The following ANXA8 variants were observed in gnomAD, a reference collection of about 807,000 sequenced individuals.
ANXA8 encodes annexin A8, also known as VAC-beta.
A neutral mutation model predicts 26.8 loss-of-function variants in ANXA8; 9 were observed. The ratio of observed to expected loss-of-function variants is 0.34; its 90% CI spans 0.20 to 0.59. ANXA8 has a LOEUF of 0.59. Ranked by LOEUF, ANXA8 falls within the 20% of genes least tolerant of loss-of-function variation. The probability of loss-of-function intolerance (pLI) is 0.84; values close to 1 mark genes in which losing one functional copy is unlikely to be tolerated. For synonymous variants in ANXA8, 39 were observed against 94.8 expected, an observed-to-expected ratio of 0.41 and a Z score of 3.42; for missense variants, 83 against 238.5, an observed-to-expected ratio of 0.35 and a Z score of 4.29.
the ANXA8 span, among the ~76,000 whole-genome samples, chr10:47,551,249 G>A: frequency 3.8e-4 from 57 of 151,750 alleles, no homozygotes; most frequent in African/African-American, 1.3e-3. Flanking sequence ...ATGATTGGAG[G>A]TAACTTGTTT....
At chr10:47,653,535 T>A in the ANXA8 span, among the ~76,000 whole-genome samples, 2 of 151,744 alleles carry the variant, frequency 1.3e-5, no homozygotes, top group South Asian at 4.1e-4. Context: ...GTGGGAAAAT[T>A]AAGGACATTT....
chr10:47,673,378 T>C, the ANXA8 span, among the ~76,000 whole-genome samples: 37 of 151,488 alleles, frequency 2.4e-4, no homozygotes, highest in Non-Finnish European at 4.3e-4. Flanking sequence ...GGGGAAGAGC[T>C]AGAAATAACT....
chr10:47,947,874 T>C, the ANXA8 span, among the ~76,000 whole-genome samples: 1 of 150,788 alleles, frequency 6.6e-6, no homozygotes, highest in Non-Finnish European at 1.5e-5. Context: ...ATGTCTATCA[T>C]GAAACTCCAG....
the ANXA8 span, among the ~76,000 whole-genome samples, chr10:47,530,730 A>C: frequency 1.5e-5 from 2 of 134,474 alleles, no homozygotes; most frequent in African/African-American, 5.5e-5. Flanking sequence ...AATAAACAAC[A>C]CATCTCAAGT....
chr10:47,557,737 C>G, the ANXA8 span, among the ~76,000 whole-genome samples: 45 of 150,780 alleles, frequency 3.0e-4, 2 homozygotes, highest in Admixed American at 2.4e-3. Context: ...AATTTTAAAA[C>G]CATTTGGATT....
chr10:47,487,124 A>C (rs1840062657), upstream of ANXA8: 1 of 1,394,890 alleles, frequency 7.2e-7, no homozygotes, highest in South Asian at 1.4e-5. Flanking sequence ...TAAATACTTA[A>C]GTGTACACCA....
At chr10:47,646,836 TAAAG>T in the ANXA8 span, among the ~76,000 whole-genome samples, 4 of 152,092 alleles carry the variant, frequency 2.6e-5, no homozygotes, top group African/African-American at 7.3e-5. Flanking sequence ...TCTTCAGAAA[TAAAG>T]AAAGTAACAA....
chr10:47,691,630 G>C, the ANXA8 span, among the ~76,000 whole-genome samples: 1 of 150,534 alleles, frequency 6.6e-6, no homozygotes, highest in Non-Finnish European at 1.5e-5. Flanking sequence ...TAAGTTTTGC[G>C]TGCCTGTAGT....
chr10:47,743,170 CAAAAA>C, the ANXA8 span, among the ~76,000 whole-genome samples: 1 of 37,008 alleles, frequency 2.7e-5, no homozygotes, highest in Non-Finnish European at 5.4e-5. Context: ...GACTCTGTCT[CAAAAA>C]AAAAAAAAAA....
chr10:47,733,215 TTCTTTCTCTTTCTTTC>T, the ANXA8 span, among the ~76,000 whole-genome samples: 140 of 94,970 alleles, frequency 1.5e-3, 2 homozygotes, highest in Admixed American at 6.7e-3. Context: ...CTTTCTTTCT[TTCTTTCTCTTTCTTTC>T]TCTCTTTCTT....
the ANXA8 span, among the ~76,000 whole-genome samples, chr10:47,620,153 G>A: frequency 8.9e-6 from 1 of 112,278 alleles, no homozygotes; most frequent in Admixed American, 9.6e-5. Flanking sequence ...ACTTCTGGGA[G>A]GTGGTATTTG....
the ANXA8 span, among the ~76,000 whole-genome samples, chr10:47,737,506 G>A: frequency 7.2e-5 from 11 of 151,752 alleles, no homozygotes; most frequent in South Asian, 6.2e-4. Flanking sequence ...GGACTTTCTA[G>A]TCTGTTTCAT....
the ANXA8 span, among the ~76,000 whole-genome samples, chr10:47,939,303 CAAAA>C: frequency 3.7e-5 from 3 of 81,174 alleles, no homozygotes. Context: ...AACTCTGTCT[CAAAA>C]AAAAAAAAAA....
At chr10:47,626,411 A>G in the ANXA8 span, among the ~76,000 whole-genome samples, 1 of 150,456 alleles carries the variant, frequency 6.6e-6, no homozygotes, top group East Asian at 1.9e-4. Flanking sequence ...TCCTTAAATA[A>G]AACTTTGAGA....
At chr10:47,717,672 T>A in the ANXA8 span, among the ~76,000 whole-genome samples, 1 of 142,298 alleles carries the variant, frequency 7.0e-6, no homozygotes, top group Admixed American at 7.0e-5. Flanking sequence ...GATAGGATTA[T>A]GTGAACATTC....
At chr10:47,502,391 G>T in the ANXA8 span, 6 of 1,610,026 alleles carry the variant, frequency 3.7e-6, no homozygotes, top group Non-Finnish European at 5.1e-6. Context: ...GTGCAGGGTA[G>T]TGGGGCCAGA....
chr10:47,576,794 C>T, the ANXA8 span, among the ~76,000 whole-genome samples: 1 of 150,404 alleles, frequency 6.6e-6, no homozygotes, highest in South Asian at 2.1e-4. Flanking sequence ...TGCAGGATTA[C>T]AGGTGTGAGC....
the ANXA8 span, among the ~76,000 whole-genome samples, chr10:47,496,900 T>C: frequency 7.3e-6 from 1 of 136,120 alleles, no homozygotes; most frequent in East Asian, 3.2e-4. Context: ...GTTGAACTTG[T>C]TCATTTGGTT....
At chr10:47,570,824 A>T in the ANXA8 span, among the ~76,000 whole-genome samples, 1 of 149,068 alleles carries the variant, frequency 6.7e-6, no homozygotes, top group Non-Finnish European at 1.5e-5. Context: ...TTAGGAAAAA[A>T]GTCATGAAAT....
Sources: allele counts gnomAD v4.1 joint callset (sites outside exome capture counted in the v4.1 genomes callset), GRCh38; gene constraint gnomAD v4.1.1; transcripts MANE v1.5; gene names NCBI Gene and HGNC (gene_info 2026-07-23, HGNC 2026-07-21).